The following OGDHL variants were observed in gnomAD, a reference collection of about 807,000 sequenced individuals.
The protein encoded by OGDHL is 2-oxoglutarate dehydrogenase-like, mitochondrial.
OGDHL carries 79 observed loss-of-function variants against 109.6 expected under a neutral mutation model. That is an observed-to-expected ratio of 0.72 (90% CI 0.60 to 0.87). The LOEUF (loss-of-function observed/expected upper bound fraction) is 0.87, where lower values mean the gene tolerates loss of function less well. Ranked by LOEUF, OGDHL falls within the 40% of genes least tolerant of loss-of-function variation. OGDHL has a pLI of 0.00. For synonymous variants in OGDHL, 528 were observed against 537.2 expected (o/e 0.98, Z 0.24); for missense variants, 1,275 against 1,362.2 (o/e 0.94, Z 1.01).
chr10:49,752,331 C>G (rs1842662548), intron 4 of OGDHL, 83 bp from the exon 5 acceptor site: 1 of 1,003,320 alleles, frequency 1.0e-6, no homozygotes, highest in African/African-American at 1.6e-5. Context: ...GCAGTCTCAC[C>G]AGACCTCCCA....
In OGDHL at chr10:49,739,642, C is replaced by A; in HGVS notation, c.2319+19G>T. 3 of 1,607,856 alleles carry A rather than the reference C, an allele frequency of 1.9e-6. No individual in the cohort carries two copies. The highest frequency in any genetic ancestry group is 1.1e-5 in the South Asian group (1 of 89,926). On this transcript the variant is annotated intron_variant, in intron 17 of 22. Transcript: ENST00000374103. ...CCGCCAGAACCCACCAAGCCACCAG[C>A]CACCACCGCAGCCCTCACCATGCCT...
At chr10:49,750,710 T>A (rs907035720) in intron 7 of OGDHL, 129 bp downstream of exon 7, 2 of 1,308,002 alleles carry the variant, frequency 1.5e-6, no homozygotes, top group Admixed American at 5.5e-5. Context: ...GACTCAGAAC[T>A]TTCCAGGAAA....
chr10:49,738,357 G>T lies in OGDHL; in HGVS notation c.2320-95C>A, dbSNP rs1841379645. Reference sequence around the variant, plus strand: ...CCAGGCTCAGGGGAAAGTCTGGAGGGCTTCTCAGCAGAGGTGCCCTCACCC... The same window carrying T: ...CCAGGCTCAGGGGAAAGTCTGGAGGTCTTCTCAGCAGAGGTGCCCTCACCC... On this transcript the variant is annotated intron_variant, in intron 17 of 22. Transcript: ENST00000374103. The T allele has an allele frequency of 4.4e-6, 6 of 1,351,434 alleles. No homozygotes were observed. In the African/African-American group the frequency reaches 5.7e-5, roughly 13 times the overall value. The allele number at this position is 1,351,434 out of a possible 1,614,324, so 83.7% of individuals were successfully genotyped here. A position where few individuals can be genotyped will look rare whatever the true frequency, so the allele number is the denominator to read the frequency against.
In OGDHL at chr10:49,751,003, G is replaced by C; in HGVS notation, c.750-18C>G. On this transcript the variant is annotated intron_variant, in intron 6 of 22. Coordinates refer to ENST00000374103, the MANE Select transcript of OGDHL (RefSeq NM_018245.3). ...CTTCAAACCTGCTTGGGGAGAGGATGGGAAGAGGAAAGGGAAAGGGATGGA... is the reference window on the plus strand; with the variant it reads ...CTTCAAACCTGCTTGGGGAGAGGATCGGAAGAGGAAAGGGAAAGGGATGGA... 1 of 1,580,546 alleles carries C rather than the reference G, an allele frequency of 6.3e-7. No individual in the cohort carries two copies. The highest frequency in any genetic ancestry group is 8.6e-7 in the Non-Finnish European group (1 of 1,157,322).
intron 7 of OGDHL, 129 bp from the exon 8 acceptor site, chr10:49,749,945 A>G: frequency 2.9e-6 from 2 of 686,838 alleles, no homozygotes; most frequent in East Asian, 2.8e-5. Flanking sequence ...AGGCCACCCA[A>G]TCACCAGGCA....
chr10:49,760,230 C>T (rs1843187177), intron 1 of OGDHL, among the ~76,000 whole-genome samples: 1 of 152,226 alleles, frequency 6.6e-6, no homozygotes, highest in South Asian at 2.1e-4. Flanking sequence ...CTCTGAGTGC[C>T]CCCAAGTTTC....
At chr10:49,747,814 G>A (rs186282335) in intron 8 of OGDHL, among the ~76,000 whole-genome samples, 6 of 152,164 alleles carry the variant, frequency 3.9e-5, no homozygotes, top group African/African-American at 9.6e-5. Context: ...TGTACAAAAC[G>A]CTTTTACAAA....
At chr10:49,751,094 G>A in intron 6 of OGDHL, 109 bp from the exon 7 acceptor site, 1 of 1,065,916 alleles carries the variant, frequency 9.4e-7, no homozygotes, top group Non-Finnish European at 1.3e-6. Flanking sequence ...TGAGGACAGA[G>A]GAAGTCACAA....
rs1190833643 is a variant in OGDHL at position 49,738,511 on chromosome 10, C to T, written c.2320-249G>A. On this transcript the variant is annotated intron_variant, in intron 17 of 22. Transcript: ENST00000374103. ...GGGACAGAAGAAAAAGCAAAAAGCC[C>T]GCACTGAGACGTGCTTTCTCTGGAA... 9 of 543,476 alleles carry T rather than the reference C, an allele frequency of 1.7e-5. No homozygotes were observed. The East Asian group carries it at 1.9e-4, about 11-fold the overall frequency. The allele number at this position is 543,476 out of a possible 1,614,324, so 33.7% of individuals were successfully genotyped here.
intron 15 of OGDHL, 90 bp downstream of exon 15, chr10:49,742,738 A>T (rs1590705611): frequency 6.8e-7 from 1 of 1,469,656 alleles, no homozygotes; most frequent in Admixed American, 2.1e-5. Flanking sequence ...TGAAGATCCC[A>T]CCCCAACAAA....
intron 3 of OGDHL, among the ~76,000 whole-genome samples, chr10:49,755,789 C>T (rs1435849042): frequency 6.6e-6 from 1 of 152,180 alleles, no homozygotes; most frequent in Non-Finnish European, 1.5e-5. Context: ...AAGATAAGGC[C>T]CTCGGGCAGC....
intron 10 of OGDHL, among the ~76,000 whole-genome samples, chr10:49,746,502 G>A (rs1842195499): frequency 1.3e-5 from 2 of 152,172 alleles, no homozygotes; most frequent in Non-Finnish European, 2.9e-5. Context: ...GGCTGCACAC[G>A]GCCAGCCTCC....
rs1842545090 is a variant in OGDHL, at chr10:49,750,937, G to A, written c.798C>T (p.Gly266=). ...ARKWSSEKRF[G]LEGCEVMIPA... ...GAATCATCACTTCACAGCCCTCCAGGCCAAACCGCTTCTCTGAGGACCATT... is the reference window on the plus strand; with the variant it reads ...GAATCATCACTTCACAGCCCTCCAGACCAAACCGCTTCTCTGAGGACCATT... The change falls in exon 7 of 23, where the codon GGC becomes GGT. Residue 266 remains glycine (G), a synonymous_variant. Transcript: ENST00000374103. The A allele has an allele frequency of 1.2e-6, 2 of 1,611,356 alleles. No individual in the cohort carries two copies. The highest frequency in any genetic ancestry group is 1.7e-6 in the Non-Finnish European group (2 of 1,178,448).
chr10:49,749,640 C>G (rs1419294394), intron 8 of OGDHL, 86 bp downstream of exon 8: 4 of 1,174,086 alleles, frequency 3.4e-6, no homozygotes, highest in Admixed American at 2.3e-5. Context: ...TATCTCAGCC[C>G]GGAAGCTCCC....
At chr10:49,756,394 A>ATCAG (rs1288143444) in intron 3 of OGDHL, among the ~76,000 whole-genome samples, 1 of 152,206 alleles carries the variant, frequency 6.6e-6, no homozygotes, top group Non-Finnish European at 1.5e-5. Context: ...CACCTGCTGT[A>ATCAG]TCAGTCCCTG....
At chr10:49,761,501 T>C (rs760117036) in intron 1 of OGDHL, among the ~76,000 whole-genome samples, 30 of 152,252 alleles carry the variant, frequency 2.0e-4, no homozygotes, top group Non-Finnish European at 3.8e-4. Context: ...CTGACCCCAC[T>C]TTCTGAGAAG....
At position 49,738,236 on chromosome 10, in the gene OGDHL, G is replaced by A. The variant is rs143542877; in HGVS notation, c.2346C>T (p.Pro782=). Residue 782 remains proline (P), a synonymous_variant, in exon 18 of 23, where the codon CCC becomes CCT. Transcript: ENST00000374103. ...GMGPEHSSAR[P]ERFLQMSNDD... is the part of the protein sequence containing the mutation. The stretch of plus-strand genomic sequence containing the variant: ...CATTGCTCATCTGCAGGAACCTTTC[G>A]GGCCTCGCTGACGAGTGCTCTGGGC... The A allele has an allele frequency of 6.2e-5, 100 of 1,613,350 alleles. No individual in the cohort carries two copies. In the East Asian group the frequency reaches 6.7e-4, roughly 11 times the overall value.
intron 17 of OGDHL, 103 bp downstream of exon 17, chr10:49,739,558 G>A (rs1841482187): frequency 1.4e-6 from 2 of 1,398,602 alleles, no homozygotes; most frequent in Non-Finnish European, 1.9e-6. Context: ...CAGGGGCCTG[G>A]AAGGCATATA....
chr10:49,741,326 G>A (rs1442219481), intron 15 of OGDHL, among the ~76,000 whole-genome samples: 1 of 152,070 alleles, frequency 6.6e-6, no homozygotes, highest in Non-Finnish European at 1.5e-5. Context: ...AGTGAGGGGC[G>A]CCTGGCTGAA....
Sources: gnomAD v4.1 joint callset for allele counts (sites outside exome capture counted in the v4.1 genomes callset) on GRCh38, gnomAD v4.1.1 for gene constraint, MANE v1.5 for transcripts, NCBI Gene and HGNC (gene_info 2026-07-23, HGNC 2026-07-21) for gene names.